The following ROS1 variants were observed in gnomAD, a reference collection of about 807,000 sequenced individuals.
ROS1 encodes the protein proto-oncogene tyrosine-protein kinase ROS.
In ROS1, 263 loss-of-function variants were observed where a neutral mutation model predicts 273.5. The ratio of observed to expected loss-of-function variants is 0.96; its 90% CI spans 0.87 to 1.06. The LOEUF is 1.06. Among genes scored for constraint, ROS1 ranks in the 50% least tolerant of loss-of-function variants. The probability of loss-of-function intolerance (pLI) is 0.00; values close to 1 mark genes in which losing one functional copy is unlikely to be tolerated. For missense variants in ROS1, 2,833 were observed against 2,751.1 expected, an observed-to-expected ratio of 1.03 and a Z score of -0.67; for synonymous variants, 1,008 against 954.1, an observed-to-expected ratio of 1.06 and a Z score of -1.04.
intron 7 of ROS1, among the ~76,000 whole-genome samples, chr6:117,398,305 T>C (rs1347606806): frequency 6.6e-6 from 1 of 151,912 alleles, no homozygotes. Context: ...AAATCATCCC[T>C]GAAATGCTGG....
chr6:117,300,101 T>TTTG (rs1774586134), intron 43 of ROS1, among the ~76,000 whole-genome samples: 6 of 141,032 alleles, frequency 4.3e-5, no homozygotes, highest in Non-Finnish European at 9.2e-5. Context: ...TTTTTTTTTT[T>TTTG]TTTTTTTTTT....
intron 1 of ROS1, 44 bp downstream of exon 1, chr6:117,425,490 T>C (rs2128753153): frequency 2.0e-6 from 3 of 1,535,526 alleles, no homozygotes; most frequent in East Asian, 4.8e-5. Flanking sequence ...GAATGCTACA[T>C]GTTCTAGTTC....
chr6:117,391,729 C>G (rs563096576), intron 12 of ROS1, among the ~76,000 whole-genome samples: 1 of 152,128 alleles, frequency 6.6e-6, no homozygotes, highest in Admixed American at 6.5e-5. Flanking sequence ...AGTCCTGGAG[C>G]AAGATTTCTT....
At chr6:117,398,678 C>CCA (rs1773693801) in intron 7 of ROS1, among the ~76,000 whole-genome samples, 1 of 59,440 alleles carries the variant, frequency 1.7e-5, no homozygotes, top group Non-Finnish European at 3.6e-5. Flanking sequence ...GACCTTGTCT[C>CCA]AAAAAAAAAA....
At chr6:117,352,774 T>C (rs891422638) in intron 27 of ROS1, among the ~76,000 whole-genome samples, 1 of 152,148 alleles carries the variant, frequency 6.6e-6, no homozygotes, top group African/African-American at 2.4e-5. Context: ...ATGTCTAAAG[T>C]TGCCCACCAC....
At chr6:117,385,641 A>C in intron 16 of ROS1, 42 bp downstream of exon 16, 2 of 1,569,260 alleles carry the variant, frequency 1.3e-6, no homozygotes, top group Non-Finnish European at 8.7e-7. Context: ...GAAGTGGATA[A>C]GTATCATTCT....
intron 3 of ROS1, 31 bp from the exon 4 acceptor site, chr6:117,414,576 A>G (rs770037363): frequency 4.2e-6 from 3 of 722,254 alleles, no homozygotes; most frequent in Non-Finnish European, 5.0e-6. Context: ...ACTACTTAAA[A>G]TCTTGAAAGT....
intron 7 of ROS1, among the ~76,000 whole-genome samples, chr6:117,397,835 C>T (rs1234881202): frequency 6.6e-6 from 1 of 152,196 alleles, no homozygotes; most frequent in East Asian, 1.9e-4. Flanking sequence ...CCATCTGTGT[C>T]TCCACCTGCT....
At position 117,396,907 on chromosome 6, in the gene ROS1, A is replaced by C. The variant is rs1183961495; in HGVS notation, c.806+8T>G. ...GTTACATTTTCCTCTGTATCACTTA[A>C]TTCTTACCTGTAGATAGTATTTGGT... On this transcript the variant is annotated splice_region_variant and intron_variant, in intron 8 of 43. Coordinates refer to ENST00000368507, the MANE Select transcript of ROS1 (RefSeq NM_001378902.1). 1.3e-6 allele frequency: 2 copies of C among 1,593,978 alleles called. No individual in the cohort carries two copies. The highest frequency in any genetic ancestry group is 1.7e-6 in the Non-Finnish European group (2 of 1,161,824).
chr6:117,329,479 T>C, intron 32 of ROS1, 33 bp from the exon 33 acceptor site: 2 of 977,164 alleles, frequency 2.0e-6, no homozygotes, highest in East Asian at 2.4e-5. Flanking sequence ...TTGGTTGATA[T>C]GTTTGAAGTA....
chr6:117,354,615 A>G (rs1033511536), intron 26 of ROS1, among the ~76,000 whole-genome samples: 2 of 152,220 alleles, frequency 1.3e-5, no homozygotes, highest in African/African-American at 4.8e-5. Flanking sequence ...ATTTTTAAAG[A>G]AAAAATTTCT....
intron 27 of ROS1, among the ~76,000 whole-genome samples, chr6:117,347,495 C>T (rs1027189519): frequency 3.9e-5 from 6 of 152,000 alleles, no homozygotes; most frequent in Admixed American, 1.3e-4. Context: ...CATAGATGAT[C>T]ATGTCATCTG....
chr6:117,307,635 A>T (rs1016706738), intron 42 of ROS1, among the ~76,000 whole-genome samples: 11 of 152,204 alleles, frequency 7.2e-5, no homozygotes, highest in African/African-American at 2.4e-4. Context: ...ATGTGTGTGT[A>T]TCTGATCTCC....
rs537300428 is a variant in ROS1, at chr6:117,377,500, T to C, written c.2582+1559A>G. 4.6e-5 allele frequency among the ~76,000 whole-genome samples: 7 copies of C among 152,046 alleles called. No individual in the cohort carries two copies. The South Asian group carries it at 1.2e-3, about 27-fold the overall frequency. ...TGGCGCTAGAACAACTGGATATCCCTACAGAAAGGAAAAAAAGAAAACTTT... is the reference window on the plus strand; with the variant it reads ...TGGCGCTAGAACAACTGGATATCCCCACAGAAAGGAAAAAAAGAAAACTTT... On this transcript the variant is annotated intron_variant, in intron 18 of 43. Coordinates refer to ENST00000368507, the MANE Select transcript of ROS1 (RefSeq NM_001378902.1).
At chr6:117,316,375 T>A (rs368482299) in intron 39 of ROS1, among the ~76,000 whole-genome samples, 1 of 152,078 alleles carries the variant, frequency 6.6e-6, no homozygotes, top group African/African-American at 2.4e-5. Context: ...ACATTTTAAT[T>A]TTTTAGCCAT....
At chr6:117,421,666 G>A (rs1303960992) in intron 1 of ROS1, among the ~76,000 whole-genome samples, 1 of 152,074 alleles carries the variant, frequency 6.6e-6, no homozygotes, top group Non-Finnish European at 1.5e-5. Flanking sequence ...CTCATCAGTT[G>A]ATGGACACTT....
chr6:117,404,925 ATGAT>A (rs1435365553), intron 5 of ROS1, among the ~76,000 whole-genome samples: 1 of 152,224 alleles, frequency 6.6e-6, no homozygotes, highest in Non-Finnish European at 1.5e-5. Context: ...AAAGGACACT[ATGAT>A]TGGCTGTTTC....
intron 2 of ROS1, among the ~76,000 whole-genome samples, chr6:117,417,586 T>C (rs1369390797): frequency 1.3e-5 from 2 of 152,192 alleles, no homozygotes; most frequent in Admixed American, 6.5e-5. Context: ...TTAGCAAGCA[T>C]GGCAGACAAG....
intron 18 of ROS1, among the ~76,000 whole-genome samples, chr6:117,368,282 T>A (rs1360589478): frequency 2.0e-5 from 3 of 151,166 alleles, no homozygotes; most frequent in Non-Finnish European, 4.4e-5. Context: ...ATAGTTTGAT[T>A]TTTTTTTTAG....
Sources: gnomAD v4.1 joint callset for allele counts (sites outside exome capture counted in the v4.1 genomes callset) on GRCh38, gnomAD v4.1.1 for gene constraint, MANE v1.5 for transcripts, NCBI Gene and HGNC (gene_info 2026-07-23, HGNC 2026-07-21) for gene names.